Variants in BTBD10 observed in about 807,000 individuals in gnomAD.
BTBD10 encodes BTB/POZ domain-containing protein 10.
A neutral mutation model predicts 53.2 loss-of-function variants in BTBD10; 21 were observed. The ratio of observed to expected loss-of-function variants is 0.39; its 90% CI spans 0.28 to 0.57. The LOEUF is 0.57. BTBD10 is among the 20% of genes least tolerant of loss of function. The probability of loss-of-function intolerance (pLI) is 0.53; values close to 1 mark genes in which losing one functional copy is unlikely to be tolerated. For synonymous variants in BTBD10, 149 were observed against 192.7 expected (o/e 0.77, Z 1.88); for missense variants, 360 against 594.7 (o/e 0.61, Z 4.10).
intron 6 of BTBD10, among the ~76,000 whole-genome samples, chr11:13,409,346 T>C (rs1197586590): frequency 6.6e-6 from 1 of 152,214 alleles, no homozygotes; most frequent in Non-Finnish European, 1.5e-5. Flanking sequence ...TTATTTACTT[T>C]GTTTATCACG....
intron 8 of BTBD10, among the ~76,000 whole-genome samples, chr11:13,396,799 CA>C (rs1460225705): frequency 6.6e-6 from 1 of 152,154 alleles, no homozygotes; most frequent in Non-Finnish European, 1.5e-5. Flanking sequence ...TTGAGATAAT[CA>C]TGTGTTTTTT....
chr11:13,433,754 C>A lies in BTBD10; in HGVS notation c.101+11270G>T, dbSNP rs530410604. Reference sequence around the variant, plus strand: ...TGAGTGGTTAGGACAGAGACTGTGGCCCACATAGCCAAAAATATTCACTAT... The same window carrying A: ...TGAGTGGTTAGGACAGAGACTGTGGACCACATAGCCAAAAATATTCACTAT... On this transcript the variant is annotated intron_variant, in intron 2 of 8. Transcript: ENST00000278174. 4.6e-5 allele frequency among the ~76,000 whole-genome samples: 7 copies of A among 152,142 alleles called. 1 individual carries two copies. In the South Asian group the frequency reaches 1.2e-3, roughly 27 times the overall value.
intron 1 of BTBD10, among the ~76,000 whole-genome samples, chr11:13,454,831 C>T (rs1373318509): frequency 9.2e-5 from 14 of 152,118 alleles, no homozygotes; most frequent in Non-Finnish European, 4.4e-5. Context: ...GCTAGGGAGA[C>T]TCTAACAAAC....
intron 7 of BTBD10, chr11:13,405,190 T>C (rs1949793599): frequency 6.5e-6 from 1 of 152,784 alleles, no homozygotes; most frequent in African/African-American, 2.4e-5. Context: ...TTGATGAACA[T>C]ACATGATATT....
At chr11:13,456,616 G>A (rs3101174) in intron 1 of BTBD10, among the ~76,000 whole-genome samples, 1 of 151,950 alleles carries the variant, frequency 6.6e-6, no homozygotes. Flanking sequence ...TTTTAAAAGG[G>A]CTAATTTCAT....
At chr11:13,403,097 A>G (rs967158863) in intron 8 of BTBD10, 71 bp downstream of exon 8, 2 of 958,564 alleles carry the variant, frequency 2.1e-6, no homozygotes, top group Middle Eastern at 3.3e-4. Context: ...TGTATTCTAA[A>G]TAAGATCCAA....
rs745530007 is a variant in BTBD10 at position 13,455,805 on chromosome 11, T to C, written c.-58+7287A>G. ...CAATATTTTAAACAATATTTTTTCC[T>C]TCCATGATGCTTTATGTTTTTTCAT... On this transcript the variant is annotated intron_variant, in intron 1 of 8. Coordinates refer to ENST00000278174, the MANE Select transcript of BTBD10 (RefSeq NM_032320.7). Among the ~76,000 whole-genome samples the C allele has an allele frequency of 3.0e-4, 45 of 152,228 alleles. 1 individual carries two copies. Among genetic ancestry groups the C allele is most frequent in the Admixed American group, 3.9e-4 (6 of 15,282 alleles).
chr11:13,424,451 A>C (rs1246919315), intron 2 of BTBD10, among the ~76,000 whole-genome samples: 2 of 152,210 alleles, frequency 1.3e-5, no homozygotes, highest in African/African-American at 4.8e-5. Flanking sequence ...TGAACCCTGA[A>C]TCAGACCTTC....
At chr11:13,420,849 A>G (rs1256281479) in intron 3 of BTBD10, among the ~76,000 whole-genome samples, 1 of 152,202 alleles carries the variant, frequency 6.6e-6, no homozygotes, top group Non-Finnish European at 1.5e-5. Flanking sequence ...TGCATGTAAC[A>G]AACTGTCAAC....
chr11:13,397,969 G>T (rs1268950149), intron 8 of BTBD10, among the ~76,000 whole-genome samples: 1 of 152,154 alleles, frequency 6.6e-6, no homozygotes, highest in Non-Finnish European at 1.5e-5. Flanking sequence ...CAACTATGTG[G>T]TCAATTTTGG....
At chr11:13,452,692 G>A (rs1950885365) in intron 1 of BTBD10, among the ~76,000 whole-genome samples, 1 of 152,096 alleles carries the variant, frequency 6.6e-6, no homozygotes, top group Non-Finnish European at 1.5e-5. Context: ...GAGTAATGAA[G>A]ACGTTTTAGA....
intron 1 of BTBD10, among the ~76,000 whole-genome samples, chr11:13,462,403 T>A (rs953518025): frequency 6.6e-6 from 1 of 152,216 alleles, no homozygotes; most frequent in Admixed American, 6.5e-5. Flanking sequence ...ATGTCTGGAC[T>A]AGTGACTTTT....
intron 1 of BTBD10, among the ~76,000 whole-genome samples, chr11:13,462,034 G>A (rs1212561503): frequency 1.3e-5 from 2 of 151,140 alleles, no homozygotes; most frequent in African/African-American, 4.9e-5. Context: ...TGCAGTCCTG[G>A]GTTTCAGGAC....
At chr11:13,401,084 C>T (rs1161781653) in intron 8 of BTBD10, among the ~76,000 whole-genome samples, 1 of 150,262 alleles carries the variant, frequency 6.7e-6, no homozygotes, top group East Asian at 1.9e-4. Context: ...ATTTTTAGAG[C>T]TGCATATTAA....
At chr11:13,420,714 C>CT (rs1950226935) in intron 3 of BTBD10, among the ~76,000 whole-genome samples, 1 of 152,148 alleles carries the variant, frequency 6.6e-6, no homozygotes, top group East Asian at 1.9e-4. Context: ...CAGAGATACT[C>CT]TGACACCTCC....
At chr11:13,450,011 T>A (rs1402994765) in intron 1 of BTBD10, among the ~76,000 whole-genome samples, 1 of 152,168 alleles carries the variant, frequency 6.6e-6, no homozygotes, top group East Asian at 1.9e-4. Flanking sequence ...ACACAACAGC[T>A]TTTCTATTAA....
At chr11:13,392,542 T>C (rs971424915) in intron 8 of BTBD10, among the ~76,000 whole-genome samples, 1 of 152,298 alleles carries the variant, frequency 6.6e-6, no homozygotes, top group Admixed American at 6.5e-5. Flanking sequence ...TTATACTCTT[T>C]ATTAAAAGAG....
rs762961009 is a variant in BTBD10 at position 13,413,519 on chromosome 11, A to G, written c.808+11T>C. 1 of 1,598,034 alleles carries G rather than the reference A, an allele frequency of 6.3e-7. No individual in the cohort carries two copies. The highest frequency in any genetic ancestry group is 1.1e-5 in the South Asian group (1 of 88,148). On this transcript the variant is annotated intron_variant, in intron 6 of 8. Transcript: ENST00000278174. ...TCTACAAACCACTTACACACAAAAC[A>G]TCATACTTACTGAGATCTCTACATT... is the stretch of plus-strand genomic sequence containing the variant.
intron 2 of BTBD10, among the ~76,000 whole-genome samples, chr11:13,435,849 C>A (rs1950535815): frequency 6.6e-6 from 1 of 152,166 alleles, no homozygotes. Context: ...TTCCAAATGA[C>A]CTTTGAAAAC....
Sources: allele counts gnomAD v4.1 joint callset (sites outside exome capture counted in the v4.1 genomes callset), GRCh38; gene constraint gnomAD v4.1.1; transcripts MANE v1.5; gene names NCBI Gene and HGNC (gene_info 2026-07-23, HGNC 2026-07-21).